Variants in HHAT observed in about 807,000 individuals in gnomAD.
The protein encoded by HHAT is hedgehog acyltransferase.
HHAT carries 47 observed loss-of-function variants against 70.8 expected under a neutral mutation model. The observed-to-expected ratio is 0.66, with a 90% CI of 0.53 to 0.85. The LOEUF (loss-of-function observed/expected upper bound fraction) is 0.85, where lower values mean the gene tolerates loss of function less well. Ranked by LOEUF, HHAT falls within the 40% of genes least tolerant of loss-of-function variation. HHAT has a pLI of 0.00. For synonymous variants in HHAT, 228 were observed against 247.6 expected, an observed-to-expected ratio of 0.92 and a Z score of 0.74; for missense variants, 609 against 604.8, an observed-to-expected ratio of 1.01 and a Z score of -0.07.
At chr1:210,577,436 A>G (rs1224603852) in intron 9 of HHAT, among the ~76,000 whole-genome samples, 1 of 152,138 alleles carries the variant, frequency 6.6e-6, no homozygotes, top group Non-Finnish European at 1.5e-5. Context: ...TTAAGATGAT[A>G]ACGAAGGCTT....
At position 210,587,961 on chromosome 1, in the gene HHAT, G is replaced by T. The variant is rs755100445; in HGVS notation, c.1107G>T (p.Ala369=). 6.2e-7 allele frequency: 1 copy of T among 1,614,164 alleles called. No individual in the cohort carries two copies. Among genetic ancestry groups the T allele is most frequent in the Admixed American group, 1.7e-5 (1 of 60,020 alleles). The change falls in exon 10 of 12, where the codon GCG becomes GCT. Residue 369 remains alanine, a synonymous_variant. Transcript: ENST00000261458. ...HGLLGTLFST[A]MTFAFVSYWH... ...TGCTGGGGACACTGTTTTCCACGGC[G>T]ATGACATTTGCATTTGTGAGCTACT...
chr1:210,387,589 T>C lies in HHAT; in HGVS notation c.273+8T>C. On this transcript the variant is annotated splice_region_variant and intron_variant, in intron 4 of 11. Transcript: ENST00000261458. ...ACACTGCTGGCAAGAAAGGTATGAT[T>C]ATATGTGTTGTTACCTTTTAAGTGT... 1.3e-6 allele frequency: 2 copies of C among 1,598,250 alleles called. No individual in the cohort carries two copies. Among genetic ancestry groups the C allele is most frequent in the Non-Finnish European group, 1.7e-6 (2 of 1,165,562 alleles).
rs565546486 is a variant in HHAT, at chr1:210,469,045, G to T, written c.1007+4390G>T. Among the ~76,000 whole-genome samples, 10 of 152,260 alleles carry T rather than the reference G, an allele frequency of 6.6e-5. No individual in the cohort carries two copies. In the South Asian group the frequency reaches 1.5e-3, roughly 22 times the overall value. On this transcript the variant is annotated intron_variant, in intron 8 of 11. Coordinates refer to ENST00000261458, the MANE Select transcript of HHAT (RefSeq NM_018194.6). ...GCGTATAGTAGGTCCTCAGGAAGTG[G>T]TAGTTTCTTAGTACTTTTTCTTTGC... is the stretch of plus-strand genomic sequence containing the variant.
intron 7 of HHAT, among the ~76,000 whole-genome samples, chr1:210,424,317 T>G (rs1228196108): frequency 6.6e-6 from 1 of 152,182 alleles, no homozygotes; most frequent in Non-Finnish European, 1.5e-5. Context: ...CTTGATTTCT[T>G]TAGTTCACTG....
At chr1:210,330,716 C>T (rs2084911728) in intron 1 of HHAT, among the ~76,000 whole-genome samples, 1 of 152,194 alleles carries the variant, frequency 6.6e-6, no homozygotes, top group Non-Finnish European at 1.5e-5. Flanking sequence ...AAGCAGTGGT[C>T]CCCAACCTTT....
At chr1:210,442,492 C>T (rs2093541700) in intron 7 of HHAT, among the ~76,000 whole-genome samples, 1 of 148,484 alleles carries the variant, frequency 6.7e-6, no homozygotes, top group Non-Finnish European at 1.5e-5. Context: ...TCCTATTTCT[C>T]CACATCCTGT....
chr1:210,469,289 G>A, intron 8 of HHAT, among the ~76,000 whole-genome samples: 1 of 152,102 alleles, frequency 6.6e-6, no homozygotes, highest in East Asian at 1.9e-4. Context: ...GTTTCCTTAT[G>A]TGAGAGGAGG....
At chr1:210,506,805 C>T (rs144599022) in intron 8 of HHAT, among the ~76,000 whole-genome samples, 2 of 152,178 alleles carry the variant, frequency 1.3e-5, no homozygotes, top group Non-Finnish European at 1.5e-5. Flanking sequence ...TACCTTATTA[C>T]AGGCCTATCA....
At chr1:210,329,138 A>G in intron 1 of HHAT, 34 bp downstream of exon 1, 3 of 1,293,302 alleles carry the variant, frequency 2.3e-6, no homozygotes, top group African/African-American at 3.1e-5. Flanking sequence ...GGTCCTGGGG[A>G]GGTTAGATGC....
chr1:210,519,945 T>A (rs2095127472), intron 9 of HHAT, among the ~76,000 whole-genome samples: 1 of 152,092 alleles, frequency 6.6e-6, no homozygotes, highest in Non-Finnish European at 1.5e-5. Context: ...TCTTTTCATA[T>A]ACCTGTTGGC....
Position 210,416,875 on chromosome 1 carries a change from A to G in HHAT, c.685-1279A>G, listed in dbSNP as rs75052182. Among the ~76,000 whole-genome samples the G allele has an allele frequency of 7.0e-3, 1,063 of 152,296 alleles. 14 individuals are homozygous for G. The highest frequency in any genetic ancestry group is 0.024 in the African/African-American group (1,012 of 41,558). ...TATGCCTAAGTACTTCACATACTTC[A>G]TCATATTTAATCACCACAACAATGT... is the stretch of plus-strand genomic sequence containing the variant. On this transcript the variant is annotated intron_variant, in intron 6 of 11. Transcript: ENST00000261458.
intron 8 of HHAT, among the ~76,000 whole-genome samples, chr1:210,482,424 T>C (rs1482074048): frequency 3.3e-5 from 5 of 152,198 alleles, no homozygotes; most frequent in African/African-American, 4.8e-5. Context: ...GTACTTTGCA[T>C]TATTAGCCTT....
At chr1:210,635,065 C>A (rs1671618257) in intron 11 of HHAT, among the ~76,000 whole-genome samples, 1 of 152,158 alleles carries the variant, frequency 6.6e-6, no homozygotes, top group Admixed American at 6.5e-5. Context: ...GATTTTAAAA[C>A]AAAGCCAAAC....
chr1:210,373,986 C>T (rs991847804), intron 3 of HHAT, among the ~76,000 whole-genome samples: 1 of 152,142 alleles, frequency 6.6e-6, no homozygotes, highest in African/African-American at 2.4e-5. Context: ...GAAAGTTACA[C>T]AGACTTTTAT....
chr1:210,354,680 T>TA (rs1558338829), intron 2 of HHAT, among the ~76,000 whole-genome samples: 1 of 152,096 alleles, frequency 6.6e-6, no homozygotes, highest in East Asian at 1.9e-4. Flanking sequence ...TAAATTCTTA[T>TA]ATTCTGTTTA....
chr1:210,535,220 A>G (rs1261402196), intron 9 of HHAT, among the ~76,000 whole-genome samples: 1 of 152,208 alleles, frequency 6.6e-6, no homozygotes, highest in Non-Finnish European at 1.5e-5. Context: ...CAACCTGGCC[A>G]TGTGAACATG....
At chr1:210,335,682 T>C (rs1163950277) in intron 1 of HHAT, among the ~76,000 whole-genome samples, 1 of 152,204 alleles carries the variant, frequency 6.6e-6, no homozygotes, top group Non-Finnish European at 1.5e-5. Context: ...GAGAAGATGG[T>C]CTTCTCAGTA....
chr1:210,339,850 A>G (rs749648541), intron 1 of HHAT, among the ~76,000 whole-genome samples: 3 of 152,194 alleles, frequency 2.0e-5, no homozygotes, highest in Non-Finnish European at 4.4e-5. Flanking sequence ...TACATAACTA[A>G]TACATAATAT....
chr1:210,413,102 G>C (rs980523460), intron 6 of HHAT, among the ~76,000 whole-genome samples: 1 of 152,056 alleles, frequency 6.6e-6, no homozygotes, highest in Non-Finnish European at 1.5e-5. Context: ...CAGCAGAGAG[G>C]GTCAAAATAT....
Sources: gnomAD v4.1 joint callset for allele counts (sites outside exome capture counted in the v4.1 genomes callset) on GRCh38, gnomAD v4.1.1 for gene constraint, MANE v1.5 for transcripts, NCBI Gene and HGNC (gene_info 2026-07-23, HGNC 2026-07-21) for gene names.